Variants in TRMT10A observed in about 807,000 individuals in gnomAD.
TRMT10A encodes the protein tRNA methyltransferase 10A, also known as tRNA methyltransferase 10 homolog A.
Under a neutral mutation model 40.4 loss-of-function variants are expected in TRMT10A, and 37 were observed. That is an observed-to-expected ratio of 0.92 (90% confidence interval 0.71 to 1.21). TRMT10A has a LOEUF of 1.21. TRMT10A is among the 50% of genes most tolerant of loss of function. The pLI is 0.00. For missense variants in TRMT10A, 388 were observed against 404.3 expected, an observed-to-expected ratio of 0.96 and a Z score of 0.35; for synonymous variants, 103 against 134.1, an observed-to-expected ratio of 0.77 and a Z score of 1.60.
chr4:99,563,895 C>G lies in TRMT10A; in HGVS notation c.-24+18G>C, dbSNP rs1181625190. 5.5e-6 allele frequency: 4 copies of G among 727,768 alleles called. No individual in the cohort carries two copies. The East Asian group carries it at 1.1e-4, about 20-fold the overall frequency. The allele number at this position is 727,768 out of a possible 1,614,324, so 45.1% of individuals were successfully genotyped here. ...TACCATAGTGCGGGGGAGCGCCAAC[C>G]AGTGCCAGGACACTTACCGAGCTGA... On this transcript the variant is annotated intron_variant, in intron 1 of 7. Transcript: ENST00000394876.
intron 1 of TRMT10A, among the ~76,000 whole-genome samples, chr4:99,562,205 G>A (rs866469660): frequency 3.6e-5 from 5 of 137,798 alleles, no homozygotes; most frequent in African/African-American, 8.8e-5. Flanking sequence ...ATATATATGT[G>A]TGTGTGTGTG....
chr4:99,560,645 T>C (rs1724351588), intron 1 of TRMT10A, among the ~76,000 whole-genome samples: 1 of 152,144 alleles, frequency 6.6e-6, no homozygotes, highest in South Asian at 2.1e-4. Context: ...GTGGGGAAAC[T>C]GAATAAGCCT....
At chr4:99,560,114 GA>G (rs1724330495) in intron 1 of TRMT10A, among the ~76,000 whole-genome samples, 1 of 151,962 alleles carries the variant, frequency 6.6e-6, no homozygotes, top group African/African-American at 2.4e-5. Context: ...CAAAAAGACA[GA>G]ACTGATTTTT....
intron 4 of TRMT10A, among the ~76,000 whole-genome samples, 163 bp downstream of exon 4, chr4:99,557,182 T>C (rs1003177791): frequency 6.6e-6 from 1 of 152,100 alleles, no homozygotes; most frequent in African/African-American, 2.4e-5. Context: ...TTAAAAGATG[T>C]TTAAAATATT....
At chr4:99,554,636 G>A (rs1470625900) in intron 5 of TRMT10A, among the ~76,000 whole-genome samples, 2 of 141,326 alleles carry the variant, frequency 1.4e-5, no homozygotes, top group Non-Finnish European at 3.0e-5. Flanking sequence ...CTGGAGAATT[G>A]TTTGAATCCC....
At chr4:99,560,525 T>C (rs1004198113) in intron 1 of TRMT10A, among the ~76,000 whole-genome samples, 5 of 151,484 alleles carry the variant, frequency 3.3e-5, no homozygotes, top group African/African-American at 1.2e-4. Flanking sequence ...ATAAGAGAGA[T>C]ACAGGAAAAA....
rs1243675152 is a variant in TRMT10A, at chr4:99,550,767, T to G, written c.751+118A>C. On this transcript the variant is annotated intron_variant, in intron 7 of 7. Coordinates refer to ENST00000394876, the MANE Select transcript of TRMT10A (RefSeq NM_001134665.3). The stretch of plus-strand genomic sequence containing the variant: ...GTTAAACAAATTATAAATTATTACT[T>G]TTTACAATTTTGTCTCCAGGAAGGT... 12 of 693,720 alleles carry G rather than the reference T, an allele frequency of 1.7e-5. No individual in the cohort carries two copies. The Admixed American group carries it at 3.7e-4, about 22-fold the overall frequency. 43.0% of individuals were successfully genotyped at this position (693,720 alleles called of 1,614,324 possible).
intron 6 of TRMT10A, 33 bp downstream of exon 6, chr4:99,553,752 C>G: frequency 6.3e-7 from 1 of 1,575,084 alleles, no homozygotes; most frequent in Non-Finnish European, 8.6e-7. Context: ...ATTTTAAGAA[C>G]AAGCAAAAGC....
intron 7 of TRMT10A, among the ~76,000 whole-genome samples, chr4:99,550,368 T>G (rs1723912302): frequency 1.3e-5 from 2 of 152,144 alleles, no homozygotes; most frequent in African/African-American, 2.4e-5. Flanking sequence ...TTTTGTATTT[T>G]TTGTAGAGAT....
chr4:99,557,544 G>T, intron 3 of TRMT10A, 128 bp from the exon 4 acceptor site: 2 of 681,840 alleles, frequency 2.9e-6, no homozygotes, highest in South Asian at 2.3e-5. Flanking sequence ...AAATACAAAT[G>T]CATTCTGATA....
Position 99,563,623 on chromosome 4 carries a change from G to C in TRMT10A, c.-24+290C>G. The C allele has an allele frequency of 1.1e-5, 3 of 273,492 alleles. No homozygotes were observed. In the East Asian group the frequency reaches 3.1e-4, roughly 29 times the overall value. 16.9% of individuals were successfully genotyped at this position (273,492 alleles called of 1,614,324 possible). ...GCCGACGGAAAGCGCCCCACCACGG[G>C]GCGGAGCCTCGCCCACTATCCCTTC... On this transcript the variant is annotated intron_variant, in intron 1 of 7. Transcript: ENST00000394876.
Position 99,559,255 on chromosome 4 carries a change from G to C in TRMT10A, c.84C>G (p.Ser28Arg). ...KQGINEDQEE[S>R]QKPRLGEGCE... ...ACCCTTCACCTAATCTTGGCTTCTG[G>C]CTCTCCTCTTGATCTTCATTTATGC... Residue 28 changes from serine to arginine, a missense_variant, in exon 2 of 8, where the codon AGC becomes AGG. By Grantham distance (110) the Ser-to-Arg change is moderately radical. Transcript: ENST00000394876. The C allele has an allele frequency of 6.2e-7, 1 of 1,613,304 alleles. No homozygotes were observed. The highest frequency in any genetic ancestry group is 1.7e-5 in the Admixed American group (1 of 59,982).
At chr4:99,550,765 C>T (rs1475638854) in intron 7 of TRMT10A, 120 bp downstream of exon 7, 34 of 688,282 alleles carry the variant, frequency 4.9e-5, no homozygotes, top group South Asian at 1.9e-5. Context: ...TAAATTATTA[C>T]TTTTTACAAT....
intron 1 of TRMT10A, chr4:99,563,676 A>G (rs1724559027): frequency 3.0e-6 from 1 of 335,752 alleles, no homozygotes; most frequent in East Asian, 8.1e-5. Context: ...AACGCATTTC[A>G]GAGACGGGAT....
At chr4:99,562,199 A>ATGTGTGTGTGTGTGTT (rs565108332) in intron 1 of TRMT10A, among the ~76,000 whole-genome samples, 2,505 of 117,638 alleles carry the variant, frequency 0.021, 71 homozygotes, top group Middle Eastern at 0.11. Flanking sequence ...ATATATATAT[A>ATGTGTGTGTGTGTGTT]TATGTGTGTG....
chr4:99,557,753 C>G, intron 3 of TRMT10A: 1 of 409,612 alleles, frequency 2.4e-6, no homozygotes, highest in Non-Finnish European at 4.3e-6. Flanking sequence ...TAAAACCCCA[C>G]AGATCTTTAT....
chr4:99,562,529 T>C (rs1350962859), intron 1 of TRMT10A, among the ~76,000 whole-genome samples: 2 of 135,066 alleles, frequency 1.5e-5, no homozygotes, highest in Admixed American at 1.5e-4. Context: ...TTTTTTTTTT[T>C]TTTTTTTTTT....
rs1011258249 is a variant in TRMT10A, at chr4:99,564,011, C to A, written c.-122G>T. 6.7e-7 allele frequency: 1 copy of A among 1,487,178 alleles called. No individual in the cohort carries two copies. Among genetic ancestry groups the A allele is most frequent in the Non-Finnish European group, 9.1e-7 (1 of 1,103,826 alleles). The allele number at this position is 1,487,178 out of a possible 1,614,324, so 92.1% of individuals were successfully genotyped here. A position where few individuals can be genotyped will look rare whatever the true frequency, so the allele number is the denominator to read the frequency against. On this transcript the variant is annotated 5_prime_UTR_variant, in exon 1 of 8. Coordinates refer to ENST00000394876, the MANE Select transcript of TRMT10A (RefSeq NM_001134665.3). ...GCTTCCTTCCACAGAAACTTCAATTCCCAGAGGCAGGGGCGGTAGTTACGC... is the reference window on the plus strand; with the variant it reads ...GCTTCCTTCCACAGAAACTTCAATTACCAGAGGCAGGGGCGGTAGTTACGC...
chr4:99,557,363 C>CCGT lies in TRMT10A; in HGVS notation c.399_401dup (p.Arg134dup), dbSNP rs758238722. On this transcript the variant is annotated inframe_insertion, in exon 4 of 8. Transcript: ENST00000394876. Reference sequence around the variant, plus strand: ...CACATACCTGCACAGGATGCAGTGCCCGTCGGTTTTCTGCGTAACATCGTT... The same window carrying CCGT: ...CACATACCTGCACAGGATGCAGTGCCCGTCGTCGGTTTTCTGCGTAACATCGTT... The CCGT allele has an allele frequency of 6.2e-7, 1 of 1,613,392 alleles. No homozygotes were observed. The highest frequency in any genetic ancestry group is 8.5e-7 in the Non-Finnish European group (1 of 1,179,566).
Sources: allele counts gnomAD v4.1 joint callset (sites outside exome capture counted in the v4.1 genomes callset), GRCh38; gene constraint gnomAD v4.1.1; transcripts MANE v1.5; gene names NCBI Gene and HGNC (gene_info 2026-07-23, HGNC 2026-07-21).